The following ANK3 variants were observed in gnomAD, a reference collection of about 807,000 sequenced individuals.
ANK3 encodes the protein ankyrin-3.
In ANK3, 57 loss-of-function variants were observed where a neutral mutation model predicts 370.9. The observed-to-expected ratio is 0.15, with a 90% CI of 0.12 to 0.19. ANK3 has a LOEUF of 0.19. Among genes scored for constraint, ANK3 ranks in the 10% least tolerant of loss-of-function variants. The pLI is 1.00. For missense variants in ANK3, 4,439 were observed against 5,302.1 expected, an observed-to-expected ratio of 0.84 and a Z score of 5.06; for synonymous variants, 1,929 against 1,946.3, an observed-to-expected ratio of 0.99 and a Z score of 0.23.
chr10:60,391,850 T>C (rs1044555053), upstream of ANK3, among the ~76,000 whole-genome samples: 3 of 152,238 alleles, frequency 2.0e-5, no homozygotes, highest in Middle Eastern at 3.2e-3. Context: ...AAGTTGAGAA[T>C]GTGTCATGGC....
chr10:60,309,809 T>C (rs2045938497), intron 1 of ANK3, among the ~76,000 whole-genome samples: 2 of 151,758 alleles, frequency 1.3e-5, no homozygotes, highest in South Asian at 4.2e-4. Flanking sequence ...AACAAAGGAA[T>C]AAGAGTTACA....
chr10:60,506,885 A>G (rs1335114646), intron 2 of ANK3, among the ~76,000 whole-genome samples: 1 of 152,110 alleles, frequency 6.6e-6, no homozygotes, highest in African/African-American at 2.4e-5. Flanking sequence ...CAGTGAAAGC[A>G]GTTACTTTGC....
chr10:60,108,801 C>T, intron 27 of ANK3, 29 bp downstream of exon 27: 3 of 1,594,726 alleles, frequency 1.9e-6, no homozygotes, highest in Non-Finnish European at 8.6e-7. Flanking sequence ...ATTGTGAGGG[C>T]CAAGGTTAAA....
Position 60,315,380 on chromosome 10 carries a change from C to T in ANK3, c.115-35741G>A, listed in dbSNP as rs111536168. On this transcript the variant is annotated intron_variant, in intron 1 of 43. Transcript: ENST00000280772. ...CACTGAGGTGTGCAAATGAAATCCA[C>T]AGTAGATCACTGGTTAAATCCAGTA... is the stretch of plus-strand genomic sequence containing the variant. Among the ~76,000 whole-genome samples the T allele has an allele frequency of 4.2e-3, 644 of 152,188 alleles. 3 individuals are homozygous for T. Among genetic ancestry groups the T allele is most frequent in the Middle Eastern group, 0.027 (8 of 294 alleles).
intron 2 of ANK3, among the ~76,000 whole-genome samples, chr10:60,490,342 AAC>A (rs2075461820): frequency 6.6e-6 from 1 of 152,216 alleles, no homozygotes; most frequent in Non-Finnish European, 1.5e-5. Context: ...CATTTGTTTT[AAC>A]ACACACCATG....
intron 38 of ANK3, among the ~76,000 whole-genome samples, chr10:60,065,434 G>T (rs2081446938): frequency 6.6e-6 from 1 of 152,114 alleles, no homozygotes; most frequent in Non-Finnish European, 1.5e-5. Context: ...AATTGGTCAA[G>T]ACTCTATCCC....
intron 1 of ANK3, among the ~76,000 whole-genome samples, chr10:60,728,719 G>T (rs541715176): frequency 1.3e-5 from 2 of 152,168 alleles, no homozygotes; most frequent in Admixed American, 1.3e-4. Context: ...GGAGAACGGG[G>T]ACTTCATTCC....
chr10:60,355,972 T>C (rs2057673714), intron 1 of ANK3, among the ~76,000 whole-genome samples: 1 of 152,192 alleles, frequency 6.6e-6, no homozygotes, highest in African/African-American at 2.4e-5. Flanking sequence ...GGCAATTTAA[T>C]GTGGGCATCG....
intron 2 of ANK3, among the ~76,000 whole-genome samples, chr10:60,413,495 GA>G (rs1391672464): frequency 1.3e-5 from 2 of 152,162 alleles, no homozygotes; most frequent in Non-Finnish European, 2.9e-5. Context: ...GAGACAATAT[GA>G]AAACCTCTAA....
At position 60,059,385 on chromosome 10, in the gene ANK3, T is replaced by G. The variant is rs945841652; in HGVS notation, c.12641A>C (p.Gln4214Pro). 6 of 1,614,114 alleles carry G rather than the reference T, an allele frequency of 3.7e-6. No individual in the cohort carries two copies. The highest frequency in any genetic ancestry group is 5.1e-6 in the Non-Finnish European group (6 of 1,180,006). The change falls in exon 41 of 44, where the codon CAA (glutamine) becomes CCA (proline). Residue 4214 changes from glutamine to proline, a missense_variant. By Grantham distance (76) the Gln-to-Pro change is moderately conservative (BLOSUM62 -1). This residue lies in a region of ANK3 where 242 missense variants were observed against 228.0 expected (regional missense o/e 1.06). Coordinates refer to ENST00000280772, the MANE Select transcript of ANK3 (RefSeq NM_020987.5). ...TSSGNLESCA[Q>P]ARRVTGGLLD... ...TAACCCACCAGTTACTCTTCGAGCT[T>G]GAGCGCAGGACTCTAGGTTTCCACT... is the stretch of plus-strand genomic sequence containing the variant.
At chr10:60,285,839 G>A (rs573993269) in intron 1 of ANK3, among the ~76,000 whole-genome samples, 1 of 152,192 alleles carries the variant, frequency 6.6e-6, no homozygotes, top group Admixed American at 6.6e-5. Flanking sequence ...ATGAACAATA[G>A]ATTTCCTTGT....
intron 9 of ANK3, among the ~76,000 whole-genome samples, chr10:60,212,480 T>C (rs1591810424): frequency 6.6e-6 from 1 of 151,982 alleles, no homozygotes; most frequent in African/African-American, 2.4e-5. Context: ...AATAGAATCA[T>C]CAAGATAAGA....
At chr10:60,534,551 C>T (rs1244136949) in intron 2 of ANK3, among the ~76,000 whole-genome samples, 1 of 152,036 alleles carries the variant, frequency 6.6e-6, no homozygotes, top group Non-Finnish European at 1.5e-5. Context: ...TATTGGCACT[C>T]AAGAAAAATA....
chr10:60,111,484 G>C (rs2092705153), intron 26 of ANK3, among the ~76,000 whole-genome samples: 1 of 152,078 alleles, frequency 6.6e-6, no homozygotes, highest in African/African-American at 2.4e-5. Context: ...GTGTGAAAAA[G>C]TCATGCAACA....
intron 42 of ANK3, among the ~76,000 whole-genome samples, chr10:60,053,958 A>C (rs764662933): frequency 6.6e-6 from 1 of 152,240 alleles, no homozygotes; most frequent in Non-Finnish European, 1.5e-5. Context: ...TCAGAGGCAC[A>C]AACTCATTTA....
chr10:60,059,849 C>G (rs373049128), intron 40 of ANK3: 2 of 1,614,218 alleles, frequency 1.2e-6, no homozygotes, highest in African/African-American at 2.7e-5. Flanking sequence ...CTATGTTCCC[C>G]TGGGAAGGCA....
At chr10:60,204,710 C>A (rs561889018) in intron 11 of ANK3, among the ~76,000 whole-genome samples, 21 of 152,108 alleles carry the variant, frequency 1.4e-4, no homozygotes, top group African/African-American at 4.8e-4. Context: ...GAAGACCAGT[C>A]AGACTCAGCC....
In ANK3 at chr10:60,288,650, G is replaced by A. The variant is rs375111227; in HGVS notation, c.115-9011C>T. Among the ~76,000 whole-genome samples the A allele has an allele frequency of 1.5e-4, 23 of 152,260 alleles. No homozygotes were observed. In the East Asian group the frequency reaches 3.9e-3, roughly 26 times the overall value. ...CAAAGGGGATTCCCCTGGGACGGGG[G>A]AGTAGGCGAAAAGGACAGGTTCAGG... On this transcript the variant is annotated intron_variant, in intron 1 of 43. Transcript: ENST00000280772.
chr10:60,629,441 C>T (rs1473741095), intron 1 of ANK3, among the ~76,000 whole-genome samples: 1 of 152,042 alleles, frequency 6.6e-6, no homozygotes, highest in Non-Finnish European at 1.5e-5. Flanking sequence ...TATTGGATCA[C>T]TAAATAAATA....
Sources: gnomAD v4.1 joint callset for allele counts (sites outside exome capture counted in the v4.1 genomes callset) on GRCh38, gnomAD v4.1.1 for gene constraint, gnomAD v4.1.1 regional missense constraint, MANE v1.5 for transcripts, NCBI Gene and HGNC (gene_info 2026-07-23, HGNC 2026-07-21) for gene names.